Variants in CIB4 observed in about 807,000 individuals in gnomAD.
CIB4 encodes the protein calcium and integrin binding family member 4, also known as calcium and integrin-binding family member 4.
In CIB4, 25 loss-of-function variants were observed where a neutral mutation model predicts 25.8. The observed-to-expected ratio is 0.97, with a 90% confidence interval of 0.71 to 1.35. The LOEUF is 1.35. Among genes scored for constraint, CIB4 ranks in the 40% most tolerant of loss-of-function variants. The pLI is 0.00. For synonymous variants in CIB4, 75 were observed against 81.4 expected (o/e 0.92, Z 0.42); for missense variants, 235 against 228.2 (o/e 1.03, Z -0.19).
intron 6 of CIB4, 98 bp downstream of exon 6, chr2:26,582,726 TG>T: frequency 1.5e-6 from 1 of 658,018 alleles, no homozygotes; most frequent in South Asian, 2.3e-5. Context: ...ACAGCCTTCT[TG>T]GGAAGACTGA....
intron 3 of CIB4, among the ~76,000 whole-genome samples, chr2:26,625,313 G>A (rs1404478057): frequency 2.0e-5 from 3 of 151,406 alleles, no homozygotes; most frequent in Non-Finnish European, 4.4e-5. Context: ...ACCTATGTCT[G>A]GGACCACCTA....
rs1338394005 is a variant in CIB4 at position 26,621,514 on chromosome 2, A to AC, written c.186+7895dup. On this transcript the variant is annotated intron_variant, in intron 3 of 6. Coordinates refer to ENST00000288861, the MANE Select transcript of CIB4 (RefSeq NM_001029881.3). ...CAGGAGATCAAGACCAGCCTAGGCA[A>AC]CATAGTGGGACCCTATCTCTACAAA... 4.6e-5 allele frequency among the ~76,000 whole-genome samples: 7 copies of AC among 152,170 alleles called. No individual in the cohort carries two copies. The South Asian group carries it at 1.0e-3, about 23-fold the overall frequency.
chr2:26,593,303 GATATGTGTGTGTGTGTGTGT>G (rs1558557320), intron 4 of CIB4, among the ~76,000 whole-genome samples: 1 of 151,360 alleles, frequency 6.6e-6, no homozygotes, highest in Non-Finnish European at 1.5e-5. Context: ...TATATGTAGA[GATATGTGTGTGTGTGTGTGT>G]ATATGTGTGT....
At chr2:26,582,969 G>A (rs1277738247) in intron 5 of CIB4, 56 bp from the exon 6 acceptor site, 1 of 1,226,336 alleles carries the variant, frequency 8.2e-7, no homozygotes, top group East Asian at 2.3e-5. Context: ...GCAGTGAGGT[G>A]GGGCACAGGG....
intron 2 of CIB4, among the ~76,000 whole-genome samples, chr2:26,638,449 GA>G (rs1440378180): frequency 6.6e-6 from 1 of 152,150 alleles, no homozygotes; most frequent in African/African-American, 2.4e-5. Context: ...GTTCGAGAGA[GA>G]GCCTGAACCC....
intron 3 of CIB4, among the ~76,000 whole-genome samples, chr2:26,604,796 A>G (rs1449374148): frequency 6.6e-6 from 1 of 152,212 alleles, no homozygotes; most frequent in Admixed American, 6.5e-5. Context: ...CCTCATTTTG[A>G]ATCCTTTTCA....
chr2:26,603,641 A>C (rs1186665067), intron 3 of CIB4, among the ~76,000 whole-genome samples: 3 of 152,232 alleles, frequency 2.0e-5, no homozygotes, highest in African/African-American at 7.2e-5. Flanking sequence ...AGTGTTTAGC[A>C]TCCAGTAAAA....
At chr2:26,631,203 G>A (rs983822628) in intron 2 of CIB4, among the ~76,000 whole-genome samples, 4 of 152,144 alleles carry the variant, frequency 2.6e-5, no homozygotes, top group East Asian at 1.9e-4. Flanking sequence ...GACCGGGTGC[G>A]GCGGCTCATA....
At chr2:26,600,316 A>C (rs1306132717) in intron 3 of CIB4, among the ~76,000 whole-genome samples, 4 of 151,958 alleles carry the variant, frequency 2.6e-5, no homozygotes, top group Non-Finnish European at 5.9e-5. Flanking sequence ...AGGCAGAAGA[A>C]TTGCTTGAAC....
At chr2:26,615,385 C>T (rs1227959167) in intron 3 of CIB4, among the ~76,000 whole-genome samples, 1 of 152,156 alleles carries the variant, frequency 6.6e-6, no homozygotes, top group African/African-American at 2.4e-5. Context: ...TACAGAATCT[C>T]CCCTACCTCC....
At chr2:26,586,317 C>A (rs552296737) in intron 4 of CIB4, among the ~76,000 whole-genome samples, 4 of 152,324 alleles carry the variant, frequency 2.6e-5, no homozygotes, top group South Asian at 2.1e-4. Flanking sequence ...GGCCTTTGCA[C>A]GGAGGCTCCC....
chr2:26,628,496 T>C (rs948085695), intron 3 of CIB4, among the ~76,000 whole-genome samples: 3 of 151,886 alleles, frequency 2.0e-5, no homozygotes, highest in Admixed American at 6.6e-5. Flanking sequence ...TTCTAGGTGG[T>C]TGGAAGGTGA....
chr2:26,589,835 G>A (rs1364225258), intron 4 of CIB4, among the ~76,000 whole-genome samples: 2 of 152,188 alleles, frequency 1.3e-5, no homozygotes, highest in Non-Finnish European at 2.9e-5. Flanking sequence ...TGTGAAAGGA[G>A]AGTGGACTTA....
intron 4 of CIB4, among the ~76,000 whole-genome samples, chr2:26,587,648 C>G (rs1476845362): frequency 6.6e-6 from 1 of 152,098 alleles, no homozygotes; most frequent in African/African-American, 2.4e-5. Flanking sequence ...TAATAAGCAT[C>G]TTCTATACTA....
At chr2:26,600,277 C>T (rs553477599) in intron 3 of CIB4, among the ~76,000 whole-genome samples, 8 of 151,344 alleles carry the variant, frequency 5.3e-5, no homozygotes, top group African/African-American at 1.7e-4. Context: ...TGGTGGTGAG[C>T]GCCTGTAATC....
At chr2:26,624,057 G>A (rs72857982) in intron 3 of CIB4, among the ~76,000 whole-genome samples, 2,475 of 152,318 alleles carry the variant, frequency 0.016, 72 homozygotes, top group African/African-American at 0.055. Flanking sequence ...TGGTCAGCAG[G>A]CTTTTCCTGC....
At chr2:26,623,540 C>A (rs757623209) in intron 3 of CIB4, 15 of 471,378 alleles carry the variant, frequency 3.2e-5, no homozygotes, top group African/African-American at 6.0e-5. Flanking sequence ...CAGAAAGGCT[C>A]GGAAAACTTT....
At chr2:26,612,223 T>G (rs962442153) in intron 3 of CIB4, among the ~76,000 whole-genome samples, 2 of 152,194 alleles carry the variant, frequency 1.3e-5, no homozygotes, top group Non-Finnish European at 2.9e-5. Flanking sequence ...GGGGCTGATG[T>G]GCACTCTTCT....
chr2:26,592,400 T>C (rs1216433687), intron 4 of CIB4, among the ~76,000 whole-genome samples: 1 of 152,226 alleles, frequency 6.6e-6, no homozygotes, highest in African/African-American at 2.4e-5. Flanking sequence ...GGAACGCTGG[T>C]GTGGACAGGT....
Sources: gnomAD v4.1 joint callset for allele counts (sites outside exome capture counted in the v4.1 genomes callset) on GRCh38, gnomAD v4.1.1 for gene constraint, MANE v1.5 for transcripts, NCBI Gene and HGNC (gene_info 2026-07-23, HGNC 2026-07-21) for gene names.